Variants in TBC1D32 observed in about 807,000 individuals in gnomAD.
The protein encoded by TBC1D32 is protein broad-minded.
A neutral mutation model predicts 170.3 loss-of-function variants in TBC1D32; 151 were observed. The ratio of observed to expected loss-of-function variants is 0.89; its 90% CI spans 0.78 to 1.01. The LOEUF (loss-of-function observed/expected upper bound fraction) is 1.01. Ranked by LOEUF, TBC1D32 falls within the 50% of genes least tolerant of loss-of-function variation. The pLI is 0.00. For missense variants in TBC1D32, 1,464 were observed against 1,457.1 expected (o/e 1.00, Z -0.08); for synonymous variants, 498 against 488.0 (o/e 1.02, Z -0.27).
intron 24 of TBC1D32, among the ~76,000 whole-genome samples, chr6:121,146,401 G>A (rs114628341): frequency 2.7e-3 from 417 of 152,232 alleles, no homozygotes; most frequent in African/African-American, 9.6e-3. Context: ...ATAATAGAAA[G>A]CCTAAATTGG....
At chr6:121,115,919 G>C (rs1779637476) in intron 26 of TBC1D32, among the ~76,000 whole-genome samples, 1 of 152,178 alleles carries the variant, frequency 6.6e-6, no homozygotes, top group African/African-American at 2.4e-5. Flanking sequence ...AGGACTGCAG[G>C]TGAGGCTGAA....
At chr6:121,303,110 C>T (rs2128477614) in intron 9 of TBC1D32, among the ~76,000 whole-genome samples, 1 of 152,220 alleles carries the variant, frequency 6.6e-6, no homozygotes, top group African/African-American at 2.4e-5. Flanking sequence ...TCTCTCTACT[C>T]TTACTAGTAG....
At chr6:121,185,824 T>C (rs1466039696) in intron 22 of TBC1D32, among the ~76,000 whole-genome samples, 1 of 152,048 alleles carries the variant, frequency 6.6e-6, no homozygotes, top group Non-Finnish European at 1.5e-5. Context: ...GAGCAAATAT[T>C]CACTGGTCTT....
chr6:121,198,141 A>C (rs1247142179), intron 22 of TBC1D32, among the ~76,000 whole-genome samples: 1 of 145,614 alleles, frequency 6.9e-6, no homozygotes, highest in Non-Finnish European at 1.5e-5. Flanking sequence ...ATACTTAATA[A>C]ACTCCCCTTT....
intron 15 of TBC1D32, among the ~76,000 whole-genome samples, chr6:121,272,153 C>G (rs932139356): frequency 1.3e-5 from 2 of 152,006 alleles, no homozygotes; most frequent in Non-Finnish European, 2.9e-5. Context: ...CCATAAAAAC[C>G]CTAGAAGAAA....
intron 24 of TBC1D32, among the ~76,000 whole-genome samples, chr6:121,135,083 A>C (rs1187041759): frequency 6.6e-6 from 1 of 152,160 alleles, no homozygotes; most frequent in Non-Finnish European, 1.5e-5. Flanking sequence ...TTCACTTATC[A>C]GCCATTCCTC....
At chr6:121,085,513 CTTGGCA>C (rs1776173746) in intron 31 of TBC1D32, among the ~76,000 whole-genome samples, 1 of 151,476 alleles carries the variant, frequency 6.6e-6, no homozygotes, top group Non-Finnish European at 1.5e-5. Context: ...TTTTCGAATC[CTTGGCA>C]TTGGCATTGG....
chr6:121,320,622 T>C (rs976326895), intron 2 of TBC1D32, among the ~76,000 whole-genome samples: 1 of 152,172 alleles, frequency 6.6e-6, no homozygotes, highest in African/African-American at 2.4e-5. Context: ...CTACAACTTA[T>C]GCTTGATATA....
At chr6:121,206,216 G>GAAA (rs74509676) in intron 21 of TBC1D32, among the ~76,000 whole-genome samples, 1 of 74,590 alleles carries the variant, frequency 1.3e-5, no homozygotes, top group Non-Finnish European at 3.1e-5. Flanking sequence ...TCTCAGAAAA[G>GAAA]AAAAAAAAAA....
At chr6:121,294,845 T>G (rs1268324089) in intron 10 of TBC1D32, among the ~76,000 whole-genome samples, 185 bp from the exon 11 acceptor site, 1 of 152,184 alleles carries the variant, frequency 6.6e-6, no homozygotes, top group Non-Finnish European at 1.5e-5. Flanking sequence ...ATCACTCTGG[T>G]GAACACTGTG....
intron 24 of TBC1D32, among the ~76,000 whole-genome samples, chr6:121,153,415 A>G (rs1055595805): frequency 4.6e-5 from 7 of 152,042 alleles, no homozygotes; most frequent in African/African-American, 1.7e-4. Context: ...GCTCTCCTGT[A>G]TAAGGTGTCT....
rs1318124706 is a variant in TBC1D32, at chr6:121,334,476, A to C, written c.-46T>G. On this transcript the variant is annotated 5_prime_UTR_variant, in exon 1 of 32. Transcript: ENST00000398212. ...ACTCTCATTACTCCAGGTCCGAGCA[A>C]AAGCCGCGCACTGCGCACGCGCACG... 6.4e-7 allele frequency: 1 copy of C among 1,573,724 alleles called. No individual in the cohort carries two copies.
chr6:121,329,759 T>C (rs1012888223), intron 1 of TBC1D32, among the ~76,000 whole-genome samples: 1 of 152,140 alleles, frequency 6.6e-6, no homozygotes, highest in Admixed American at 6.6e-5. Flanking sequence ...TTAGTGGTTA[T>C]GAATTGTAAT....
intron 15 of TBC1D32, 136 bp downstream of exon 15, chr6:121,278,985 T>C (rs2128441708): frequency 2.2e-6 from 2 of 917,774 alleles, no homozygotes; most frequent in East Asian, 6.0e-5. Flanking sequence ...ATTACAGACG[T>C]CAAGTTCTAC....
Position 121,271,249 on chromosome 6 carries a change from G to A in TBC1D32, c.1733+7872C>T, listed in dbSNP as rs187829924. On this transcript the variant is annotated intron_variant, in intron 15 of 31. Coordinates refer to ENST00000398212, the MANE Select transcript of TBC1D32 (RefSeq NM_152730.6). ...ACCACTCCTATTCAACAGAGTTTTG[G>A]AAGTTCTGGCCAGGGCAATCAGGCA... is the stretch of plus-strand genomic sequence containing the variant. Among the ~76,000 whole-genome samples the A allele has an allele frequency of 3.7e-3, 568 of 152,246 alleles. 1 individual carries two copies. Among genetic ancestry groups the A allele is most frequent in the Admixed American group, 7.7e-3 (118 of 15,284 alleles).
At chr6:121,294,274 G>A (rs1805292058) in intron 11 of TBC1D32, among the ~76,000 whole-genome samples, 2 of 152,090 alleles carry the variant, frequency 1.3e-5, no homozygotes, top group African/African-American at 4.8e-5. Flanking sequence ...GGAAAGGATG[G>A]ACTGTATATT....
At chr6:121,270,729 GAA>G (rs969155248) in intron 15 of TBC1D32, among the ~76,000 whole-genome samples, 1 of 152,060 alleles carries the variant, frequency 6.6e-6, no homozygotes, top group Non-Finnish European at 1.5e-5. Flanking sequence ...CCAATCAATA[GAA>G]AAAGAGGGAA....
intron 14 of TBC1D32, among the ~76,000 whole-genome samples, chr6:121,280,902 T>C (rs1802897617): frequency 6.6e-6 from 1 of 151,820 alleles, no homozygotes; most frequent in African/African-American, 2.4e-5. Flanking sequence ...GCCTTAAAAA[T>C]CACTGCCCAG....
At chr6:121,115,132 T>A in intron 27 of TBC1D32, 40 bp downstream of exon 27, 1 of 1,520,064 alleles carries the variant, frequency 6.6e-7, no homozygotes, top group South Asian at 1.3e-5. Flanking sequence ...ATAAAACAAA[T>A]TCTAGAAATG....
Sources: allele counts gnomAD v4.1 joint callset (sites outside exome capture counted in the v4.1 genomes callset), GRCh38; gene constraint gnomAD v4.1.1; transcripts MANE v1.5; gene names NCBI Gene and HGNC (gene_info 2026-07-23, HGNC 2026-07-21).